Variants in PRKX observed in about 807,000 individuals in gnomAD.
PRKX encodes the protein cAMP-dependent protein kinase catalytic subunit PRKX.
A neutral mutation model predicts 22.0 loss-of-function variants in PRKX; 12 were observed. The ratio of observed to expected loss-of-function variants is 0.54; its 90% CI spans 0.35 to 0.88. PRKX has a LOEUF of 0.88. Ranked by LOEUF, PRKX falls within the 40% of genes least tolerant of loss-of-function variation. The probability of loss-of-function intolerance (pLI) is 0.01; values close to 1 mark genes in which losing one functional copy is unlikely to be tolerated. For synonymous variants in PRKX, 134 were observed against 137.7 expected (o/e 0.97, Z 0.19); for missense variants, 217 against 308.0 (o/e 0.70, Z 2.21).
chrX:3,659,729 GTTTTTTTTTT>G (rs200394116), intron 2 of PRKX, among the ~76,000 whole-genome samples: 365 of 32,679 alleles, frequency 0.011, 1 homozygote, highest in African/African-American at 0.056. Context: ...TTTTTTTTTT[GTTTTTTTTTT>G]TTTTGAGACA....
intron 1 of PRKX, among the ~76,000 whole-genome samples, chrX:3,705,527 A>T (rs1928664492): frequency 9.0e-6 from 1 of 111,338 alleles, no homozygotes; most frequent in South Asian, 3.8e-4. Flanking sequence ...CCCGTCACAC[A>T]GAAACATCGG....
At chrX:3,676,720 A>C (rs1367521522) in intron 1 of PRKX, among the ~76,000 whole-genome samples, 2 of 111,804 alleles carry the variant, frequency 1.8e-5, no homozygotes, top group Admixed American at 1.9e-4. Context: ...CCCAAGTCTA[A>C]TCTTGAAGTG....
intron 2 of PRKX, among the ~76,000 whole-genome samples, 182 bp downstream of exon 2, chrX:3,674,416 C>T (rs1927906892): frequency 9.0e-6 from 1 of 111,436 alleles, no homozygotes; most frequent in Admixed American, 9.6e-5. Context: ...CCATGGAGGT[C>T]AGGAGCCCTG....
chrX:3,647,692 T>A (rs903910282), intron 3 of PRKX, among the ~76,000 whole-genome samples: 1 of 109,410 alleles, frequency 9.1e-6, no homozygotes, highest in African/African-American at 3.3e-5. Flanking sequence ...TGATTTTATA[T>A]GTATGATTTT....
chrX:3,648,606 CTGTGTGTGTGTGTGTGTGTGTGTGTG>C (rs58698248), intron 3 of PRKX, among the ~76,000 whole-genome samples: 25 of 72,248 alleles, frequency 3.5e-4, no homozygotes, highest in African/African-American at 1.2e-3. Flanking sequence ...CTCTCTACTC[CTGTGTGTGTGTGTGTGTGTGTGTGTG>C]TGTGTGTGTG....
intron 1 of PRKX, among the ~76,000 whole-genome samples, chrX:3,693,049 G>A (rs1468648319): frequency 9.0e-6 from 1 of 110,709 alleles, no homozygotes; most frequent in Non-Finnish European, 1.9e-5. Flanking sequence ...ATATTTTCCT[G>A]GGTCTCAGGT....
At chrX:3,677,866 T>C (rs1243372742) in intron 1 of PRKX, among the ~76,000 whole-genome samples, 1 of 112,265 alleles carries the variant, frequency 8.9e-6, no homozygotes, top group Admixed American at 9.5e-5. Flanking sequence ...TGTCAATAGC[T>C]GACAGGTGTT....
intron 2 of PRKX, among the ~76,000 whole-genome samples, chrX:3,658,063 T>C (rs1271345264): frequency 1.8e-5 from 2 of 110,702 alleles, no homozygotes; most frequent in Admixed American, 9.6e-5. Context: ...CAATCTCGGC[T>C]CACTGCAACC....
intron 1 of PRKX, among the ~76,000 whole-genome samples, chrX:3,699,989 C>G (rs1928524569): frequency 9.0e-6 from 1 of 110,826 alleles, no homozygotes; most frequent in South Asian, 3.8e-4. Flanking sequence ...GAGGAGGAAG[C>G]TGGAGCTAAA....
chrX:3,620,462 G>A (rs1465368064), intron 6 of PRKX, among the ~76,000 whole-genome samples: 1 of 112,303 alleles, frequency 8.9e-6, no homozygotes, highest in Admixed American at 9.5e-5. Flanking sequence ...AACTGGTAGT[G>A]GTCCACGGCC....
At chrX:3,654,804 T>C (rs1038862504) in intron 3 of PRKX, among the ~76,000 whole-genome samples, 3 of 110,595 alleles carry the variant, frequency 2.7e-5, no homozygotes. Flanking sequence ...AGATATTGTA[T>C]CCTATTCGAT....
chrX:3,678,575 T>C (rs1450884637), intron 1 of PRKX, among the ~76,000 whole-genome samples: 3 of 112,447 alleles, frequency 2.7e-5, no homozygotes, highest in Non-Finnish European at 5.6e-5. Context: ...ACTTATGCAC[T>C]GCAGCGGATC....
At chrX:3,674,402 T>A (rs1287322228) in intron 2 of PRKX, among the ~76,000 whole-genome samples, 196 bp downstream of exon 2, 1 of 111,456 alleles carries the variant, frequency 9.0e-6, no homozygotes, top group African/African-American at 3.3e-5. Context: ...TTGGACCTGG[T>A]CAGCCATGGA....
At chrX:3,617,993 C>A (rs752484704) in intron 6 of PRKX, among the ~76,000 whole-genome samples, 1 of 104,799 alleles carries the variant, frequency 9.5e-6, no homozygotes, top group South Asian at 4.5e-4. Flanking sequence ...CTCCATCATC[C>A]AGGCTGGAGG....
chrX:3,636,247 T>C (rs1267430402), intron 4 of PRKX, among the ~76,000 whole-genome samples: 1 of 111,766 alleles, frequency 8.9e-6, no homozygotes, highest in African/African-American at 3.3e-5. Flanking sequence ...GGAGCTGCGA[T>C]AGGAAAGGTG....
chrX:3,693,433 T>A lies in PRKX; in HGVS notation c.167-18667A>T, dbSNP rs1442039581. On this transcript the variant is annotated intron_variant, in intron 1 of 8. Transcript: ENST00000262848. ...ATGATCACAGCTTAGGGTTTGGGCA[T>A]CTACGCAGTGAGTGCTGCCGACTTA... Among the ~76,000 whole-genome samples, 5 of 111,298 alleles carry A rather than the reference T, an allele frequency of 4.5e-5. No individual in the cohort carries two copies. In the Admixed American group the frequency reaches 4.8e-4, roughly 11 times the overall value.
chrX:3,604,996 CCCT>C lies in PRKX; in HGVS notation c.*3970_*3972del, dbSNP rs1926130972. ...TGAAAAGGCTTGGTGAAAATACAGC[CCCT>C]CACCTTCACCAAGACACACACACAC... On this transcript the variant is annotated 3_prime_UTR_variant, in exon 9 of 9. Coordinates refer to ENST00000262848, the MANE Select transcript of PRKX (RefSeq NM_005044.5). 2 of 91,701 alleles carry C rather than the reference CCCT, an allele frequency of 2.2e-5. No individual in the cohort carries two copies. The highest frequency in any genetic ancestry group is 8.2e-5 in the African/African-American group (2 of 24,382). The allele number at this position is 91,701 out of a possible 1,213,427, so 7.6% of individuals were successfully genotyped here. A position where few individuals can be genotyped will look rare whatever the true frequency, so the allele number is the denominator to read the frequency against.
intron 6 of PRKX, among the ~76,000 whole-genome samples, chrX:3,618,329 T>C (rs1420436497): frequency 1.8e-5 from 2 of 110,823 alleles, no homozygotes; most frequent in African/African-American, 3.3e-5. Flanking sequence ...TCTGGAAGAG[T>C]AGATCTTGCT....
rs1250824849 is a variant in PRKX, at chrX:3,608,493, A to G, written c.*476T>C. 9.1e-6 allele frequency: 1 copy of G among 109,594 alleles called. No homozygotes were observed. The highest frequency in any genetic ancestry group is 3.3e-5 in the African/African-American group (1 of 30,118). 9.0% of individuals were successfully genotyped at this position (109,594 alleles called of 1,213,427 possible). On this transcript the variant is annotated 3_prime_UTR_variant, in exon 9 of 9. Coordinates refer to ENST00000262848, the MANE Select transcript of PRKX (RefSeq NM_005044.5). Reference sequence around the variant, plus strand: ...AAAAACAAATTGAAAAATAAAAATTATAGGCTCTGTAAAGTATGAACATTT... The same window carrying G: ...AAAAACAAATTGAAAAATAAAAATTGTAGGCTCTGTAAAGTATGAACATTT...
Sources: gnomAD v4.1 joint callset for allele counts (sites outside exome capture counted in the v4.1 genomes callset) on GRCh38, gnomAD v4.1.1 for gene constraint, MANE v1.5 for transcripts, NCBI Gene and HGNC (gene_info 2026-07-23, HGNC 2026-07-21) for gene names.